The following TMEM108 variants were observed in gnomAD, a reference collection of about 807,000 sequenced individuals.
TMEM108 encodes transmembrane protein 108, also known as cancer/testis antigen 124.
A neutral mutation model predicts 35.1 loss-of-function variants in TMEM108; 12 were observed. The ratio of observed to expected loss-of-function variants is 0.34; its 90% CI spans 0.22 to 0.55. The LOEUF is 0.55. Among genes scored for constraint, TMEM108 ranks in the 20% least tolerant of loss-of-function variants. The pLI, the probability that TMEM108 is intolerant of heterozygous loss-of-function variation, is 0.89. For synonymous variants in TMEM108, 287 were observed against 308.6 expected, an observed-to-expected ratio of 0.93 and a Z score of 0.73; for missense variants, 680 against 753.3, an observed-to-expected ratio of 0.90 and a Z score of 1.14.
At chr3:133,287,537 T>G (rs1947002684) in intron 3 of TMEM108, among the ~76,000 whole-genome samples, 1 of 152,186 alleles carries the variant, frequency 6.6e-6, no homozygotes, top group Non-Finnish European at 1.5e-5. Context: ...ATGTTTTTGC[T>G]TGCTCCTTTG....
At chr3:133,308,899 T>C (rs1043670434) in intron 3 of TMEM108, among the ~76,000 whole-genome samples, 4 of 152,208 alleles carry the variant, frequency 2.6e-5, no homozygotes, top group Admixed American at 2.6e-4. Flanking sequence ...GAGGATTCTC[T>C]CTTTTTCTAT....
At chr3:133,373,391 TA>T (rs1212852573) in intron 3 of TMEM108, among the ~76,000 whole-genome samples, 1 of 34,530 alleles carries the variant, frequency 2.9e-5, no homozygotes, top group Non-Finnish European at 6.4e-5. Context: ...AGATGATAGA[TA>T]GATAGATAGA....
chr3:133,390,812 G>A (rs1040829131), intron 5 of TMEM108, among the ~76,000 whole-genome samples: 3 of 152,180 alleles, frequency 2.0e-5, no homozygotes, highest in Admixed American at 6.5e-5. Context: ...CAGTGCAGAT[G>A]CTAGGAAGGA....
intron 2 of TMEM108, among the ~76,000 whole-genome samples, chr3:133,052,101 C>T (rs1246822322): frequency 6.6e-6 from 1 of 152,116 alleles, no homozygotes; most frequent in Non-Finnish European, 1.5e-5. Context: ...GATATCTTGA[C>T]AATATTGAGT....
At chr3:133,321,083 T>A (rs2071261514) in intron 3 of TMEM108, among the ~76,000 whole-genome samples, 1 of 151,774 alleles carries the variant, frequency 6.6e-6, no homozygotes, top group Admixed American at 6.6e-5. Context: ...AGCATAAATC[T>A]CACAGGGCCC....
At chr3:133,296,888 A>C (rs1203861479) in intron 3 of TMEM108, among the ~76,000 whole-genome samples, 1 of 152,196 alleles carries the variant, frequency 6.6e-6, no homozygotes, top group Non-Finnish European at 1.5e-5. Context: ...GGAAGAATAG[A>C]GGGTACTAGC....
At chr3:133,353,264 C>G (rs929367329) in intron 3 of TMEM108, among the ~76,000 whole-genome samples, 1 of 152,090 alleles carries the variant, frequency 6.6e-6, no homozygotes, top group African/African-American at 2.4e-5. Flanking sequence ...ATAATGCCAC[C>G]CTTATCCACA....
chr3:133,236,625 C>T (rs1946241281), intron 3 of TMEM108, among the ~76,000 whole-genome samples: 1 of 152,032 alleles, frequency 6.6e-6, no homozygotes, highest in Non-Finnish European at 1.5e-5. Context: ...TGAGTGGAAC[C>T]CTTGAAAACA....
intron 2 of TMEM108, among the ~76,000 whole-genome samples, chr3:133,221,412 A>C (rs1291910893): frequency 6.6e-6 from 1 of 152,194 alleles, no homozygotes; most frequent in Non-Finnish European, 1.5e-5. Context: ...AACTGGTGCC[A>C]AGACCAAATA....
chr3:133,083,485 C>T (rs1265470330), intron 2 of TMEM108, among the ~76,000 whole-genome samples: 1 of 152,056 alleles, frequency 6.6e-6, no homozygotes, highest in Non-Finnish European at 1.5e-5. Context: ...AGTTTACTTC[C>T]TCTCTGGTTT....
chr3:133,361,309 C>T (rs1198152868), intron 3 of TMEM108, among the ~76,000 whole-genome samples: 1 of 152,226 alleles, frequency 6.6e-6, no homozygotes, highest in Non-Finnish European at 1.5e-5. Flanking sequence ...GACTGTGGCT[C>T]AGCTCTGCTA....
intron 2 of TMEM108, among the ~76,000 whole-genome samples, chr3:133,207,275 G>A (rs1230674286): frequency 6.6e-6 from 1 of 151,998 alleles, no homozygotes; most frequent in East Asian, 1.9e-4. Flanking sequence ...GTGAGGTGAC[G>A]CCCCACCCTG....
intron 2 of TMEM108, among the ~76,000 whole-genome samples, chr3:133,122,105 T>C (rs1944359959): frequency 6.6e-6 from 1 of 152,130 alleles, no homozygotes; most frequent in South Asian, 2.1e-4. Context: ...GTTGTATATG[T>C]ACGGTGCTTC....
At chr3:133,230,371 C>G (rs1946134860) in intron 3 of TMEM108, among the ~76,000 whole-genome samples, 1 of 152,170 alleles carries the variant, frequency 6.6e-6, no homozygotes, top group African/African-American at 2.4e-5. Flanking sequence ...AATTCTAATC[C>G]CTAAAACACA....
At chr3:133,109,195 G>A (rs1231579967) in intron 2 of TMEM108, among the ~76,000 whole-genome samples, 1 of 151,936 alleles carries the variant, frequency 6.6e-6, no homozygotes, top group African/African-American at 2.4e-5. Context: ...TGTTATTTTG[G>A]GCAAGTCACT....
At chr3:133,106,191 T>G (rs1231232827) in intron 2 of TMEM108, among the ~76,000 whole-genome samples, 2 of 151,596 alleles carry the variant, frequency 1.3e-5, no homozygotes, top group African/African-American at 4.8e-5. Context: ...TTTTTTTTTT[T>G]TTTTTTTTGG....
chr3:133,075,142 A>T (rs1327659261), intron 2 of TMEM108, among the ~76,000 whole-genome samples: 2 of 152,120 alleles, frequency 1.3e-5, no homozygotes, highest in African/African-American at 2.4e-5. Context: ...TCGGCCAGGG[A>T]TGCTCACTCG....
intron 2 of TMEM108, among the ~76,000 whole-genome samples, chr3:133,171,949 G>A (rs984747792): frequency 6.6e-6 from 1 of 152,152 alleles, no homozygotes; most frequent in Non-Finnish European, 1.5e-5. Flanking sequence ...ATCTACTTTA[G>A]TGTCTCATTT....
chr3:133,179,608 A>G (rs1945298235), intron 2 of TMEM108, among the ~76,000 whole-genome samples: 1 of 151,938 alleles, frequency 6.6e-6, no homozygotes. Flanking sequence ...TTGAACAATG[A>G]GAACACATGG....
Sources: gnomAD v4.1 joint callset for allele counts (sites outside exome capture counted in the v4.1 genomes callset) on GRCh38, gnomAD v4.1.1 for gene constraint, MANE v1.5 for transcripts, NCBI Gene and HGNC (gene_info 2026-07-23, HGNC 2026-07-21) for gene names.